The following RTF2 variants were observed in gnomAD, a reference collection of about 807,000 sequenced individuals.
RTF2 encodes the protein UPF0549 protein C20orf43.
In RTF2, 18 loss-of-function variants were observed where a neutral mutation model predicts 38.0. The observed-to-expected ratio is 0.47, with a 90% CI of 0.33 to 0.70. RTF2 has a LOEUF of 0.70. Ranked by LOEUF, RTF2 falls within the 30% of genes least tolerant of loss-of-function variation. The probability of loss-of-function intolerance (pLI) is 0.02; values close to 1 mark genes in which losing one functional copy is unlikely to be tolerated. For missense variants in RTF2, 311 were observed against 379.6 expected (o/e 0.82, Z 1.50); for synonymous variants, 126 against 137.1 (o/e 0.92, Z 0.57).
At chr20:56,497,206 G>C in intron 5 of RTF2, 1 of 1,551,650 alleles carries the variant, frequency 6.4e-7, no homozygotes, top group East Asian at 2.4e-5. Context: ...TAAACATTTT[G>C]AGGTACATAA....
rs1039554732 is a variant in RTF2 at position 56,497,245 on chromosome 20, C to A, written c.477+13056C>A. On this transcript the variant is annotated intron_variant, in intron 5 of 8. Coordinates refer to ENST00000357348, the MANE Select transcript of RTF2 (RefSeq NM_016407.5). ...GCTCTGAGAAGCTGCACAAACATGG[C>A]CAGCTCCTTATGAATAGTTATAATA... 2.6e-6 allele frequency: 4 copies of A among 1,551,646 alleles called. No individual in the cohort carries two copies. The African/African-American group carries it at 5.5e-5, about 21-fold the overall frequency.
chr20:56,495,669 G>A (rs1983481158), intron 5 of RTF2, among the ~76,000 whole-genome samples: 1 of 152,010 alleles, frequency 6.6e-6, no homozygotes, highest in Admixed American at 6.6e-5. Flanking sequence ...ACAGCCCTCG[G>A]AGATTATTTG....
chr20:56,491,675 A>G, intron 5 of RTF2: 1 of 1,552,224 alleles, frequency 6.4e-7, no homozygotes, highest in South Asian at 1.2e-5. Flanking sequence ...GCAGGTAACC[A>G]CAAGCGGGTC....
intron 4 of RTF2, among the ~76,000 whole-genome samples, chr20:56,483,059 A>G (rs1372712800): frequency 6.6e-6 from 1 of 152,086 alleles, no homozygotes; most frequent in Non-Finnish European, 1.5e-5. Flanking sequence ...CCTTCTTTTT[A>G]ATAGCCGTTT....
At chr20:56,477,230 G>A in intron 4 of RTF2, 106 bp downstream of exon 4, 4 of 1,364,728 alleles carry the variant, frequency 2.9e-6, no homozygotes, top group Non-Finnish European at 4.1e-6. Flanking sequence ...GCTTTCTGGT[G>A]TCCTTGGGTT....
chr20:56,490,227 C>T (rs984593820), intron 5 of RTF2, among the ~76,000 whole-genome samples: 3 of 152,300 alleles, frequency 2.0e-5, no homozygotes, highest in Non-Finnish European at 2.9e-5. Context: ...TTACACTTTG[C>T]GTTGGAATTA....
At chr20:56,514,676 T>A (rs1600837028) in intron 6 of RTF2, among the ~76,000 whole-genome samples, 1 of 152,176 alleles carries the variant, frequency 6.6e-6, no homozygotes, top group South Asian at 2.1e-4. Flanking sequence ...GGTAGCAGTA[T>A]TACCATTATG....
At chr20:56,489,996 A>G (rs145863543) in intron 5 of RTF2, among the ~76,000 whole-genome samples, 1,975 of 152,296 alleles carry the variant, frequency 0.013, 56 homozygotes, top group African/African-American at 0.046. Context: ...GAAAGTCTTA[A>G]TATTTTCCAT....
chr20:56,491,666 C>G (rs1194008315), intron 5 of RTF2: 6 of 1,552,098 alleles, frequency 3.9e-6, no homozygotes, highest in African/African-American at 1.4e-5. Context: ...CCGCTCTAAG[C>G]AGGTAACCAC....
rs1985257914 is a variant in RTF2 at position 56,519,420 on chromosome 20, A to G, written c.*1155A>G. The G allele has an allele frequency of 6.6e-6, 1 of 152,212 alleles. No homozygotes were observed. The highest frequency in any genetic ancestry group is 2.1e-4 in the South Asian group (1 of 4,834). 9.4% of individuals were successfully genotyped at this position (152,212 alleles called of 1,614,324 possible). A position where few individuals can be genotyped will look rare whatever the true frequency, so the allele number is the denominator to read the frequency against. On this transcript the variant is annotated 3_prime_UTR_variant, in exon 9 of 9. Coordinates refer to ENST00000357348, the MANE Select transcript of RTF2 (RefSeq NM_016407.5). ...CCAAGGATATTTTGACATTGTGAGTATAGAGCATTTTAATAAAAATTAAGT... is the reference window on the plus strand; with the variant it reads ...CCAAGGATATTTTGACATTGTGAGTGTAGAGCATTTTAATAAAAATTAAGT...
intron 5 of RTF2, among the ~76,000 whole-genome samples, chr20:56,493,734 C>T (rs911687155): frequency 5.9e-5 from 9 of 151,722 alleles, no homozygotes; most frequent in Non-Finnish European, 1.2e-4. Context: ...AGCAACTCAG[C>T]TACACCTTGA....
chr20:56,513,706 A>G (rs1032126322), intron 6 of RTF2: 11 of 337,918 alleles, frequency 3.3e-5, no homozygotes, highest in Middle Eastern at 9.6e-4. Flanking sequence ...CAGGCTCCAG[A>G]GACCATGGCC....
intron 5 of RTF2, chr20:56,497,623 G>A (rs1983641838): frequency 2.4e-6 from 3 of 1,272,508 alleles, no homozygotes; most frequent in Non-Finnish European, 2.0e-6. Context: ...TGAGCTCCAG[G>A]TGCATTCTTA....
In RTF2 at chr20:56,468,720, TC is replaced by T. The variant is rs1981808234; in HGVS notation, c.27del (p.Lys10ArgfsTer6). 3.8e-6 allele frequency: 6 copies of T among 1,588,378 alleles called. No individual in the cohort carries two copies. The highest frequency in any genetic ancestry group is 5.1e-6 in the Non-Finnish European group (6 of 1,167,658). MGCDGGTIPKRHELVKGP... is the reference protein window; with the variant it reads MGCDGGTXPKRHELVKGP... Reference sequence around the variant, plus strand: ...GCGATGGGTTGCGACGGGGGAACAATCCCCAAGAGGCATGAACTGGTGAAGG... The same window carrying T: ...GCGATGGGTTGCGACGGGGGAACAATCCCAAGAGGCATGAACTGGTGAAGG... On this transcript the variant is annotated frameshift_variant, in exon 1 of 9. Transcript: ENST00000357348. LOFTEE classifies it high-confidence loss of function.
At chr20:56,497,045 C>G (rs376230577) in intron 5 of RTF2, 1 of 1,551,692 alleles carries the variant, frequency 6.4e-7, no homozygotes, top group African/African-American at 1.4e-5. Flanking sequence ...CTAGAACTTT[C>G]ATACAATTAA....
chr20:56,513,540 T>G (rs1274104661), intron 6 of RTF2, 112 bp downstream of exon 6: 2 of 1,370,856 alleles, frequency 1.5e-6, no homozygotes, highest in African/African-American at 2.9e-5. Context: ...AAGGCGATTT[T>G]TATAACCTAG....
chr20:56,483,777 T>C (rs1982642925), intron 4 of RTF2, among the ~76,000 whole-genome samples: 1 of 152,254 alleles, frequency 6.6e-6, no homozygotes. Context: ...GCCATTTTTC[T>C]ATTATAGTGT....
chr20:56,499,427 C>T (rs1330556725), intron 5 of RTF2, among the ~76,000 whole-genome samples: 2 of 151,904 alleles, frequency 1.3e-5, no homozygotes, highest in African/African-American at 2.4e-5. Flanking sequence ...GTGATCCACC[C>T]GCCTAGGCCT....
chr20:56,491,655 G>A (rs1280982266), intron 5 of RTF2: 44 of 1,551,912 alleles, frequency 2.8e-5, no homozygotes, highest in Non-Finnish European at 3.7e-5. Context: ...AGTCTGTGCC[G>A]CCGCTCTAAG....
Sources: gnomAD v4.1 joint callset for allele counts (sites outside exome capture counted in the v4.1 genomes callset) on GRCh38, gnomAD v4.1.1 for gene constraint, MANE v1.5 for transcripts, NCBI Gene and HGNC (gene_info 2026-07-23, HGNC 2026-07-21) for gene names.